The following BEST4 variants were observed in gnomAD, a reference collection of about 807,000 sequenced individuals.
BEST4 encodes the protein bestrophin-4.
In BEST4, 36 loss-of-function variants were observed where a neutral mutation model predicts 47.1. The ratio of observed to expected loss-of-function variants is 0.76; its 90% CI spans 0.59 to 1.01. BEST4 has a LOEUF of 1.01. Ranked by LOEUF, BEST4 falls within the 50% of genes least tolerant of loss-of-function variation. BEST4 has a pLI of 0.00. For synonymous variants in BEST4, 250 were observed against 277.8 expected, an observed-to-expected ratio of 0.90 and a Z score of 1.00; for missense variants, 550 against 648.6, an observed-to-expected ratio of 0.85 and a Z score of 1.65.
chr1:44,789,268 G>A (rs911107202), upstream of BEST4, among the ~76,000 whole-genome samples: 30 of 141,910 alleles, frequency 2.1e-4, no homozygotes, highest in South Asian at 2.2e-4. Flanking sequence ...AGAAAAGAAA[G>A]AAAGAAAAAG....
chr1:44,784,862 G>C lies in BEST4; in HGVS notation c.993+43C>G, dbSNP rs201461479. The C allele has an allele frequency of 4.5e-5, 73 of 1,612,220 alleles. 1 individual carries two copies. The East Asian group carries it at 1.6e-3, about 36-fold the overall frequency. On this transcript the variant is annotated intron_variant, in intron 7 of 8. Transcript: ENST00000372207. The surrounding 1 kb of genome is among the most constrained non-coding windows in gnomAD (Gnocchi z 6.2). ...GGCTGAGAGCTGACCGGGAGAGGGGGCCCAGGAGCTGCCCTGGACTCCTGA... is the reference window on the plus strand; with the variant it reads ...GGCTGAGAGCTGACCGGGAGAGGGGCCCCAGGAGCTGCCCTGGACTCCTGA...
chr1:44,784,508 C>G lies in BEST4; in HGVS notation c.1149-25G>C. The G allele has an allele frequency of 1.4e-6, 2 of 1,477,762 alleles. No homozygotes were observed. Among genetic ancestry groups the G allele is most frequent in the Non-Finnish European group, 1.8e-6 (2 of 1,117,984 alleles). 91.5% of individuals were successfully genotyped at this position (1,477,762 alleles called of 1,614,324 possible). On this transcript the variant is annotated intron_variant, in intron 8 of 8. Coordinates refer to ENST00000372207, the MANE Select transcript of BEST4 (RefSeq NM_153274.3). The surrounding 1 kb of genome is among the most constrained non-coding windows in gnomAD (Gnocchi z 6.2). ...GCTGCGGGCGGGAGGGCGGGCTGAGCCGGGGCACAGGGCGGGAGCGGGGAC... is the reference window on the plus strand; with the variant it reads ...GCTGCGGGCGGGAGGGCGGGCTGAGGCGGGGCACAGGGCGGGAGCGGGGAC...
Position 44,786,829 on chromosome 1 carries a change from T to C in BEST4, c.248-133A>G, listed in dbSNP as rs886379637. 3.7e-5 allele frequency: 25 copies of C among 681,740 alleles called. No homozygotes were observed. Among genetic ancestry groups the C allele is most frequent in the Non-Finnish European group, 6.1e-5 (25 of 408,558 alleles). 42.2% of individuals were successfully genotyped at this position (681,740 alleles called of 1,614,324 possible). A position where few individuals can be genotyped will look rare whatever the true frequency, so the allele number is the denominator to read the frequency against. On this transcript the variant is annotated intron_variant, in intron 2 of 8. Coordinates refer to ENST00000372207, the MANE Select transcript of BEST4 (RefSeq NM_153274.3). The surrounding 1 kb of genome is among the most constrained non-coding windows in gnomAD (Gnocchi z 4.9). Reference sequence around the variant, plus strand: ...TGGCAGGGGGAAGGAAACATTCAGCTCCAGTGCCCTGCTGTGCGAGGCCAG... The same window carrying C: ...TGGCAGGGGGAAGGAAACATTCAGCCCCAGTGCCCTGCTGTGCGAGGCCAG...
At chr1:44,785,333 C>T (rs756070236) in intron 5 of BEST4, 28 bp from the exon 6 acceptor site, 3 of 1,546,210 alleles carry the variant, frequency 1.9e-6, no homozygotes, top group Admixed American at 4.0e-5. Context: ...AGGCTCAGTG[C>T]AGGATGCAGC....
At position 44,787,974 on chromosome 1, in the gene BEST4, C is replaced by T. The variant is rs1052631722; in HGVS notation, c.-269G>A. Among the ~76,000 whole-genome samples, 1 of 152,240 alleles carries T rather than the reference C, an allele frequency of 6.6e-6. No individual in the cohort carries two copies. The highest frequency in any genetic ancestry group is 2.4e-5 in the African/African-American group (1 of 41,454). On this transcript the variant is annotated 5_prime_UTR_variant, in exon 1 of 9. Transcript: ENST00000372207. ...CATGAGGTTTCCTCAAGCTCCTCTT[C>T]AGCCTGCAGGGCTAGGGATAACCAG... is the stretch of plus-strand genomic sequence containing the variant.
chr1:44,784,203 C>CGA lies in BEST4; in HGVS notation c.*5_*6dup, dbSNP rs1207776888. On this transcript the variant is annotated 3_prime_UTR_variant, in exon 9 of 9. Transcript: ENST00000372207. This position sits in a 1 kb window ranked among gnomAD's most constrained non-coding sequence, Gnocchi z 6.2. ...GTGGGGGAAACCGGGCGGGGGCAGG[C>CGA]GAGACCTCAGGGCTCCAGGGCCTCG... The CGA allele has an allele frequency of 7.1e-7, 1 of 1,415,668 alleles. No homozygotes were observed. 87.7% of individuals were successfully genotyped at this position (1,415,668 alleles called of 1,614,324 possible). A position where few individuals can be genotyped will look rare whatever the true frequency, so the allele number is the denominator to read the frequency against.
Position 44,787,789 on chromosome 1 carries a change from TG to T in BEST4, c.-85del. On this transcript the variant is annotated 5_prime_UTR_variant, in exon 1 of 9. Coordinates refer to ENST00000372207, the MANE Select transcript of BEST4 (RefSeq NM_153274.3). The stretch of plus-strand genomic sequence containing the variant: ...TCTCCAGACAACCTCCCTTCCACTC[TG>T]GTCTCACACACCCCAGCCTTCACCC... 1 of 1,527,542 alleles carries T rather than the reference TG, an allele frequency of 6.5e-7. No individual in the cohort carries two copies. Among genetic ancestry groups the T allele is most frequent in the Non-Finnish European group, 9.0e-7 (1 of 1,116,878 alleles). 94.6% of individuals were successfully genotyped at this position (1,527,542 alleles called of 1,614,324 possible). A position where few individuals can be genotyped will look rare whatever the true frequency, so the allele number is the denominator to read the frequency against.
chr1:44,790,137 A>T (rs527924256), upstream of BEST4, among the ~76,000 whole-genome samples: 4 of 152,296 alleles, frequency 2.6e-5, no homozygotes, highest in East Asian at 1.9e-4. Context: ...GTTACTATGA[A>T]AATTTGAATC....
rs1651166070 is a variant in BEST4 at position 44,784,933 on chromosome 1, G to T, written c.965C>A (p.Thr322Lys). The T allele has an allele frequency of 6.2e-7, 1 of 1,614,040 alleles. No individual in the cohort carries two copies. Among genetic ancestry groups the T allele is most frequent in the Non-Finnish European group, 8.5e-7 (1 of 1,180,032 alleles). Reference protein sequence around the residue: ...PFGEDDDDFETNQLIDRNLQV... With the variant: ...PFGEDDDDFEKNQLIDRNLQV... ...CAAGTTGCGGTCTATGAGCTGATTT[G>T]TCTCAAAGTCGTCATCATCCTCACC... The change falls in exon 7 of 9, where the codon ACA becomes AAA. Residue 322 changes from threonine (T) to lysine (K), a missense_variant. By Grantham distance (78) the Thr-to-Lys change is moderately conservative. Transcript: ENST00000372207. The surrounding 1 kb of genome is among the most constrained non-coding windows in gnomAD (Gnocchi z 6.2).
At position 44,784,116 on chromosome 1, in the gene BEST4, G is replaced by A; in HGVS notation, c.*94C>T. On this transcript the variant is annotated 3_prime_UTR_variant, in exon 9 of 9. Coordinates refer to ENST00000372207, the MANE Select transcript of BEST4 (RefSeq NM_153274.3). The surrounding 1 kb of genome is among the most constrained non-coding windows in gnomAD (Gnocchi z 6.2). ...ATGCTCTGGCCTTCAAGGCACACAG[G>A]AAAAGCTGCTCTAATAGAGCTGGCT... The A allele has an allele frequency of 1.6e-6, 2 of 1,223,114 alleles. No homozygotes were observed. The highest frequency in any genetic ancestry group is 2.1e-6 in the Non-Finnish European group (2 of 945,244). 75.8% of individuals were successfully genotyped at this position (1,223,114 alleles called of 1,614,324 possible). A position where few individuals can be genotyped will look rare whatever the true frequency, so the allele number is the denominator to read the frequency against.
chr1:44,782,683 T>C (rs1557611481), downstream of BEST4, among the ~76,000 whole-genome samples: 3 of 151,718 alleles, frequency 2.0e-5, no homozygotes, highest in Admixed American at 2.0e-4. Flanking sequence ...AAATATTCAC[T>C]ATCCCATGGA....
chr1:44,787,346 CAG>C, intron 2 of BEST4, 24 bp downstream of exon 2: 1 of 1,612,006 alleles, frequency 6.2e-7, no homozygotes, highest in South Asian at 1.1e-5. Flanking sequence ...AAGGGGGACA[CAG>C]GGAAAACTAG....
rs1248988468 is a variant in BEST4 at position 44,786,586 on chromosome 1, G to A, written c.358C>T (p.Arg120Trp). ...ISASVHGVDQ[R>W]GRLLRRTLIR... ...AGGGTGCGGCGCAGCAGGCGGCCCC[G>A]CTGGTCCACGCCGTGCACGCTAGCC... Residue 120 changes from arginine to tryptophan, a missense_variant, in exon 3 of 9, where the codon CGG (arginine) becomes TGG (tryptophan). Around this residue, in one of 3 missense-constraint regions of BEST4, gnomAD observed 291 missense variants for 342.4 expected, o/e 0.85. Transcript: ENST00000372207. The surrounding 1 kb of genome is among the most constrained non-coding windows in gnomAD (Gnocchi z 4.9). 5 of 1,550,536 alleles carry A rather than the reference G, an allele frequency of 3.2e-6. No individual in the cohort carries two copies. In the South Asian group the frequency reaches 3.6e-5, roughly 11 times the overall value.
chr1:44,784,810 C>T lies in BEST4; in HGVS notation c.994-27G>A. 3.8e-6 allele frequency: 6 copies of T among 1,595,616 alleles called. No individual in the cohort carries two copies. Among genetic ancestry groups the T allele is most frequent in the Non-Finnish European group, 5.1e-6 (6 of 1,169,980 alleles). On this transcript the variant is annotated intron_variant, in intron 7 of 8. Transcript: ENST00000372207. The surrounding 1 kb of genome is among the most constrained non-coding windows in gnomAD (Gnocchi z 6.2). ...TGGGCCACCAGCAAGTTACAAGGAT[C>T]CTCCTCTCCTCTCCTTCCCACGGCC...
chr1:44,784,338 G>C lies in BEST4; in HGVS notation c.1294C>G (p.Arg432Gly). 2 of 1,392,094 alleles carry C rather than the reference G, an allele frequency of 1.4e-6. No individual in the cohort carries two copies. The highest frequency in any genetic ancestry group is 1.8e-6 in the Non-Finnish European group (2 of 1,082,520). 86.2% of individuals were successfully genotyped at this position (1,392,094 alleles called of 1,614,324 possible). A position where few individuals can be genotyped will look rare whatever the true frequency, so the allele number is the denominator to read the frequency against. The part of the protein sequence containing the change: ...SPAISLRNFG[R>G]VRGTPRPPHL... The stretch of plus-strand genomic sequence containing the variant: ...GGGGGGCGGGGGGTGCCTCGCACGC[G>C]GCCGAAGTTCCGGAGGCTGATGGCC... The change falls in exon 9 of 9, where the codon CGC becomes GGC. Residue 432 changes from arginine to glycine, a missense_variant. Arg to Gly is a moderately radical substitution (Grantham distance 125). Coordinates refer to ENST00000372207, the MANE Select transcript of BEST4 (RefSeq NM_153274.3). The surrounding 1 kb of genome is among the most constrained non-coding windows in gnomAD (Gnocchi z 6.2).
upstream of BEST4, among the ~76,000 whole-genome samples, chr1:44,791,771 C>T (rs1651417594): frequency 6.6e-6 from 1 of 152,074 alleles, no homozygotes; most frequent in African/African-American, 2.4e-5. Flanking sequence ...CTCTCCCTCC[C>T]TATTGGTCCT....
upstream of BEST4, among the ~76,000 whole-genome samples, chr1:44,792,724 G>C (rs530075834): frequency 6.6e-6 from 1 of 152,072 alleles, no homozygotes; most frequent in South Asian, 2.1e-4. Context: ...TGGCCTCTGT[G>C]ACCTGACACT....
At position 44,783,991 on chromosome 1, in the gene BEST4, G is replaced by T; in HGVS notation, c.*219C>A. On this transcript the variant is annotated 3_prime_UTR_variant, in exon 9 of 9. Coordinates refer to ENST00000372207, the MANE Select transcript of BEST4 (RefSeq NM_153274.3). ...GGCTCATTTATTTTTCTAGCTTCAC[G>T]TCCCCCAAGCAACCGACCTTCTCTC... 1 of 446,544 alleles carries T rather than the reference G, an allele frequency of 2.2e-6. No individual in the cohort carries two copies. Among genetic ancestry groups the T allele is most frequent in the Non-Finnish European group, 3.8e-6 (1 of 260,482 alleles). The allele number at this position is 446,544 out of a possible 1,614,324, so 27.7% of individuals were successfully genotyped here.
chr1:44,791,653 C>A (rs1230346344), upstream of BEST4, among the ~76,000 whole-genome samples: 1 of 152,026 alleles, frequency 6.6e-6, no homozygotes, highest in African/African-American at 2.4e-5. Flanking sequence ...TCCTGAATCA[C>A]CTTATCTCCT....
Sources: gnomAD v4.1 joint callset for allele counts (sites outside exome capture counted in the v4.1 genomes callset) on GRCh38, gnomAD v4.1.1 for gene constraint, gnomAD v4.1.1 regional missense constraint, Gnocchi (gnomAD v3.1) non-coding constraint, MANE v1.5 for transcripts, NCBI Gene and HGNC (gene_info 2026-07-23, HGNC 2026-07-21) for gene names.